Variants in SLC5A2 observed in about 807,000 individuals in gnomAD.
SLC5A2 encodes sodium/glucose cotransporter 2.
In SLC5A2, 67 loss-of-function variants were observed where a neutral mutation model predicts 69.0. The observed-to-expected ratio is 0.97, with a 90% CI of 0.80 to 1.19. The LOEUF (loss-of-function observed/expected upper bound fraction) is 1.19. Ranked by LOEUF, SLC5A2 falls within the 50% of genes most tolerant of loss-of-function variation. The probability of loss-of-function intolerance (pLI) is 0.00; values close to 1 mark genes in which losing one functional copy is unlikely to be tolerated. For synonymous variants in SLC5A2, 455 were observed against 395.8 expected (o/e 1.15, Z -1.78); for missense variants, 1,001 against 921.5 (o/e 1.09, Z -1.12).
chr16:31,489,934 G>C, intron 12 of SLC5A2, 170 bp from the exon 13 acceptor site: 2 of 841,914 alleles, frequency 2.4e-6, no homozygotes, highest in South Asian at 3.1e-5. Context: ...TATCCCGAGG[G>C]CACAGGGCAG....
At position 31,484,745 on chromosome 16, in the gene SLC5A2, G is replaced by A. The variant is rs1336833553; in HGVS notation, c.198+1G>A. The stretch of plus-strand genomic sequence containing the variant: ...AGGACGCAGCATGGTGTGGTGGCCG[G>A]TGAGACGGGCTGGGCCGGGAACGGG... On this transcript the variant is annotated splice_donor_variant, in intron 2 of 13. Transcript: ENST00000330498. LOFTEE classifies it high-confidence loss of function. 1 of 1,610,634 alleles carries A rather than the reference G, an allele frequency of 6.2e-7. No individual in the cohort carries two copies. The highest frequency in any genetic ancestry group is 8.5e-7 in the Non-Finnish European group (1 of 1,180,028).
chr16:31,488,347 C>A lies in SLC5A2; in HGVS notation c.1022-36C>A, dbSNP rs748058170. On this transcript the variant is annotated intron_variant, in intron 8 of 13. Transcript: ENST00000330498. ...CACCTCCTGGGATTCCCAGACCAGG[C>A]CCCGTCCTAACGGCGCGGTGGCCTC... 5.0e-6 allele frequency: 8 copies of A among 1,606,134 alleles called. No individual in the cohort carries two copies. The South Asian group carries it at 8.8e-5, about 18-fold the overall frequency.
chr16:31,488,655 C>G lies in SLC5A2; in HGVS notation c.1163C>G (p.Ala388Gly), dbSNP rs752157404. 1 of 1,612,290 alleles carries G rather than the reference C, an allele frequency of 6.2e-7. No individual in the cohort carries two copies. The highest frequency in any genetic ancestry group is 1.1e-5 in the South Asian group (1 of 91,044). ...GGACTCATGCTGGCGGTCATGCTGG[C>G]CGCGCTCATGTCCTCGCTGGCCTCC... ...LRGLMLAVML[A>G]ALMSSLASIF... is the part of the protein sequence containing the mutation. The change falls in exon 10 of 14, where the codon GCC (alanine) becomes GGC (glycine). Residue 388 changes from alanine to glycine, a missense_variant. Ala to Gly is a moderately conservative substitution (Grantham distance 60, BLOSUM62 0). Transcript: ENST00000330498.
chr16:31,485,669 A>C (rs2082488994), intron 3 of SLC5A2, 60 bp from the exon 4 acceptor site: 2 of 1,597,886 alleles, frequency 1.3e-6, no homozygotes, highest in East Asian at 4.5e-5. Flanking sequence ...CTTCACGAAG[A>C]GGTCAGATCC....
Position 31,486,169 on chromosome 16 carries a change from G to C in SLC5A2, c.469-1G>C, listed in dbSNP as rs1192141660. On this transcript the variant is annotated splice_acceptor_variant, in intron 4 of 13. Transcript: ENST00000330498. LOFTEE classifies it high-confidence loss of function. ...GACCTGGCACTTGCTTCTCCCCCAAGGTGGACATGTTCTCCGGAGCTGTAT... is the reference window on the plus strand; with the variant it reads ...GACCTGGCACTTGCTTCTCCCCCAACGTGGACATGTTCTCCGGAGCTGTAT... The C allele has an allele frequency of 6.2e-7, 1 of 1,612,192 alleles. No homozygotes were observed.
intron 1 of SLC5A2, 68 bp downstream of exon 1, chr16:31,483,330 G>T: frequency 6.3e-7 from 1 of 1,594,828 alleles, no homozygotes; most frequent in South Asian, 1.1e-5. Context: ...AGTCTCAGGG[G>T]GACCCTAGGT....
Position 31,488,610 on chromosome 16 carries a change from G to T in SLC5A2, c.1130-12G>T, listed in dbSNP as rs772399265. 1.2e-6 allele frequency: 2 copies of T among 1,609,462 alleles called. No individual in the cohort carries two copies. Among genetic ancestry groups the T allele is most frequent in the Non-Finnish European group, 1.7e-6 (2 of 1,178,772 alleles). On this transcript the variant is annotated splice_polypyrimidine_tract_variant and intron_variant, in intron 9 of 13. Transcript: ENST00000330498. The stretch of plus-strand genomic sequence containing the variant: ...CAGTGGCCCCAGCCTCACGGCTGCC[G>T]TCGGCCCGCAGGTCTGCGCGGACTC...
intron 5 of SLC5A2, 41 bp from the exon 6 acceptor site, chr16:31,487,279 C>A (rs2082503166): frequency 1.3e-6 from 2 of 1,595,706 alleles, no homozygotes; most frequent in Non-Finnish European, 1.7e-6. Flanking sequence ...CAGCCTGTAA[C>A]ATAAACAGCT....
chr16:31,483,268 A>G lies in SLC5A2; in HGVS notation c.126+6A>G, dbSNP rs2142612764. 1 of 1,606,846 alleles carries G rather than the reference A, an allele frequency of 6.2e-7. No individual in the cohort carries two copies. The highest frequency in any genetic ancestry group is 1.1e-5 in the South Asian group (1 of 90,904). On this transcript the variant is annotated splice_donor_region_variant and intron_variant, in intron 1 of 13. Coordinates refer to ENST00000330498, the MANE Select transcript of SLC5A2 (RefSeq NM_003041.4). ...TCATTGGCGTTGGCTTGTGGGTGAG[A>G]AGTTGGGGGGTGTGCTGCTGGTGGC...
chr16:31,489,483 C>G, intron 12 of SLC5A2, 145 bp downstream of exon 12: 1 of 730,854 alleles, frequency 1.4e-6, no homozygotes, highest in Non-Finnish European at 2.3e-6. Flanking sequence ...AATTGCCGAG[C>G]AAGAATTTTT....
chr16:31,487,741 G>C lies in SLC5A2; in HGVS notation c.867G>C (p.Trp289Cys). Reference protein sequence around the residue: ...LLLGLTIVSGWYWCSDQVIVQ... With the variant: ...LLLGLTIVSGCYWCSDQVIVQ... ...TCGGACTCACAATCGTCTCGGGCTG[G>C]TACTGGTGCAGCGACCAGGTGCGGG... The change falls in exon 7 of 14, where the codon TGG becomes TGC. Residue 289 changes from tryptophan (W) to cysteine (C), a missense_variant. Physicochemically the swap from Trp to Cys is radical, Grantham distance 215. Transcript: ENST00000330498. The C allele has an allele frequency of 6.2e-7, 1 of 1,610,720 alleles. No individual in the cohort carries two copies. The highest frequency in any genetic ancestry group is 2.2e-5 in the East Asian group (1 of 44,864).
chr16:31,490,534 A>G lies in SLC5A2; in HGVS notation c.2018A>G (p.Ter673=). 1 of 1,608,010 alleles carries G rather than the reference A, an allele frequency of 6.2e-7. No individual in the cohort carries two copies. Among genetic ancestry groups the G allele is most frequent in the Non-Finnish European group, 8.5e-7 (1 of 1,176,276 alleles). The change falls in exon 14 of 14, where the codon TAA becomes TGA. Residue 673 remains the stop codon, a stop_retained_variant. Coordinates refer to ENST00000330498, the MANE Select transcript of SLC5A2 (RefSeq NM_003041.4). ...GTGTTCCTCTGGGGCTTCTATGCCT[A>G]AGACCAACTGCGTTGGACACCATAA... ...VAVFLWGFYA[*]
chr16:31,486,003 T>C (rs1014758311), intron 4 of SLC5A2, 110 bp downstream of exon 4: 21 of 1,332,868 alleles, frequency 1.6e-5, no homozygotes, highest in Admixed American at 1.2e-4. Flanking sequence ...GCGAGGGTTA[T>C]GATGATGGAG....
chr16:31,484,661 T>G lies in SLC5A2; in HGVS notation c.127-12T>G. On this transcript the variant is annotated splice_polypyrimidine_tract_variant and intron_variant, in intron 1 of 13. Transcript: ENST00000330498. ...GCCCTAAACCCAGGTCTCCCCCGCC[T>G]CTGTCTCCCAGTCCATGTGCAGAAC... is the stretch of plus-strand genomic sequence containing the variant. The G allele has an allele frequency of 6.2e-7, 1 of 1,605,870 alleles. No individual in the cohort carries two copies. The highest frequency in any genetic ancestry group is 8.5e-7 in the Non-Finnish European group (1 of 1,179,938).
chr16:31,488,067 G>A lies in SLC5A2; in HGVS notation c.915G>A (p.Lys305=), dbSNP rs752291751. Reference sequence around the variant, plus strand: ...TCGTGCAGCGCTGCCTGGCCGGGAAGAGCCTGACCCACATCAAGGCGGGCT... The same window carrying A: ...TCGTGCAGCGCTGCCTGGCCGGGAAAAGCCTGACCCACATCAAGGCGGGCT... ...QVIVQRCLAG[K]SLTHIKAGCI... Residue 305 remains lysine, a synonymous_variant, in exon 8 of 14, where the codon AAG becomes AAA. Coordinates refer to ENST00000330498, the MANE Select transcript of SLC5A2 (RefSeq NM_003041.4). The A allele has an allele frequency of 1.9e-6, 3 of 1,613,868 alleles. No homozygotes were observed. Among genetic ancestry groups the A allele is most frequent in the Non-Finnish European group, 2.5e-6 (3 of 1,179,976 alleles).
chr16:31,487,461 G>A, intron 6 of SLC5A2, 61 bp downstream of exon 6: 1 of 1,610,118 alleles, frequency 6.2e-7, no homozygotes, highest in Non-Finnish European at 8.5e-7. Flanking sequence ...CTCGGCCTGC[G>A]CGCGGGGCCG....
Position 31,490,531 on chromosome 16 carries a change from C to T in SLC5A2, c.2015C>T (p.Ala672Val). 1 of 1,609,556 alleles carries T rather than the reference C, an allele frequency of 6.2e-7. No individual in the cohort carries two copies. The highest frequency in any genetic ancestry group is 1.1e-5 in the South Asian group (1 of 90,326). The change falls in exon 14 of 14, where the codon GCC (alanine) becomes GTC (valine). Residue 672 changes from alanine (A) to valine (V), a missense_variant. Coordinates refer to ENST00000330498, the MANE Select transcript of SLC5A2 (RefSeq NM_003041.4). ...AVAVFLWGFY[A>V] ...GCCGTGTTCCTCTGGGGCTTCTATGCCTAAGACCAACTGCGTTGGACACCA... is the reference window on the plus strand; with the variant it reads ...GCCGTGTTCCTCTGGGGCTTCTATGTCTAAGACCAACTGCGTTGGACACCA...
intron 2 of SLC5A2, 30 bp downstream of exon 2, chr16:31,484,774 G>C: frequency 6.2e-7 from 1 of 1,611,180 alleles, no homozygotes; most frequent in Non-Finnish European, 8.5e-7. Flanking sequence ...GAACGGGAGG[G>C]GCCTGGAGAA....
chr16:31,490,379 G>C lies in SLC5A2; in HGVS notation c.1863G>C (p.Gly621=). The C allele has an allele frequency of 6.2e-7, 1 of 1,613,336 alleles. No homozygotes were observed. The highest frequency in any genetic ancestry group is 1.3e-5 in the African/African-American group (1 of 75,060). Residue 621 remains glycine, a synonymous_variant, in exon 14 of 14, where the codon GGG becomes GGC. Coordinates refer to ENST00000330498, the MANE Select transcript of SLC5A2 (RefSeq NM_003041.4). ...LLWFCGMSRG[G]VGSPPPLTQE... ...GGTTTTGTGGAATGAGCAGAGGTGG[G>C]GTGGGCAGTCCTCCGCCCCTTACCC...
Sources: gnomAD v4.1 joint callset for allele counts on GRCh38, gnomAD v4.1.1 for gene constraint, MANE v1.5 for transcripts, NCBI Gene and HGNC (gene_info 2026-07-23, HGNC 2026-07-21) for gene names.